Variants in GRIA1 observed in about 807,000 individuals in gnomAD.
The protein encoded by GRIA1 is glutamate receptor 1.
GRIA1 carries 31 observed loss-of-function variants against 99.2 expected under a neutral mutation model. The observed-to-expected ratio is 0.31, with a 90% confidence interval of 0.23 to 0.42. The LOEUF is 0.42. GRIA1 is among the 10% of genes least tolerant of loss of function. The pLI, the probability that GRIA1 is intolerant of heterozygous loss-of-function variation, is 1.00. For synonymous variants in GRIA1, 438 were observed against 432.4 expected (o/e 1.01, Z -0.16); for missense variants, 782 against 1,157.5 (o/e 0.68, Z 4.71).
At chr5:153,640,773 C>A (rs1182280077) in intron 2 of GRIA1, among the ~76,000 whole-genome samples, 1 of 152,086 alleles carries the variant, frequency 6.6e-6, no homozygotes, top group African/African-American at 2.4e-5. Context: ...AATTGTGGTA[C>A]CCCAATTTTC....
chr5:153,707,667 C>T (rs1382673974), intron 11 of GRIA1, among the ~76,000 whole-genome samples: 1 of 152,138 alleles, frequency 6.6e-6, no homozygotes, highest in Admixed American at 6.5e-5. Flanking sequence ...CTACGTTTTG[C>T]ATTTCATTGT....
At chr5:153,613,130 A>G (rs2149411943) in intron 2 of GRIA1, among the ~76,000 whole-genome samples, 1 of 151,394 alleles carries the variant, frequency 6.6e-6, no homozygotes, top group East Asian at 1.9e-4. Context: ...CCCAATAAAA[A>G]TTTCTGTTCC....
chr5:153,770,095 G>A (rs1763774832), intron 12 of GRIA1, 73 bp from the exon 13 acceptor site: 10 of 1,472,392 alleles, frequency 6.8e-6, no homozygotes, highest in East Asian at 2.3e-5. Context: ...GCTACACTCA[G>A]CTCTTCATTA....
chr5:153,660,082 A>T (rs139978499), intron 5 of GRIA1, among the ~76,000 whole-genome samples: 44 of 152,316 alleles, frequency 2.9e-4, no homozygotes, highest in African/African-American at 1.0e-3. Flanking sequence ...CTGAGACATT[A>T]CATGACTGAG....
At chr5:153,668,633 A>T (rs1375084046) in intron 5 of GRIA1, among the ~76,000 whole-genome samples, 1 of 152,200 alleles carries the variant, frequency 6.6e-6, no homozygotes, top group Non-Finnish European at 1.5e-5. Context: ...AAATATTTAT[A>T]ATCTGGCCCT....
chr5:153,663,159 C>T (rs908374913), intron 5 of GRIA1, among the ~76,000 whole-genome samples: 3 of 152,202 alleles, frequency 2.0e-5, no homozygotes, highest in African/African-American at 7.2e-5. Flanking sequence ...TGAGAGAATT[C>T]ACCCCAGAGA....
rs373869315 is a variant in GRIA1 at position 153,794,386 on chromosome 5, C to T, written c.2271-235C>T. Reference sequence around the variant, plus strand: ...GGGCCATTGCTTTCAAAATACCCAACTTCTGAAAACTTAGGTTACAATGAC... The same window carrying T: ...GGGCCATTGCTTTCAAAATACCCAATTTCTGAAAACTTAGGTTACAATGAC... On this transcript the variant is annotated intron_variant, in intron 13 of 15. Transcript: ENST00000285900. 1.1e-4 allele frequency among the ~76,000 whole-genome samples: 17 copies of T among 152,302 alleles called. 2 individuals are homozygous for T. In the South Asian group the frequency reaches 1.2e-3, roughly 11 times the overall value.
intron 2 of GRIA1, among the ~76,000 whole-genome samples, chr5:153,584,656 C>T (rs1274072156): frequency 6.6e-6 from 1 of 152,210 alleles, no homozygotes; most frequent in African/African-American, 2.4e-5. Context: ...ATTTTTCTCT[C>T]TCTCCTTTAT....
At chr5:153,785,939 G>A (rs1017682367) in intron 13 of GRIA1, among the ~76,000 whole-genome samples, 6 of 152,190 alleles carry the variant, frequency 3.9e-5, no homozygotes, top group African/African-American at 9.7e-5. Context: ...AGAGAATAAC[G>A]CTAATTCCTC....
intron 2 of GRIA1, among the ~76,000 whole-genome samples, chr5:153,538,822 G>A (rs573050670): frequency 6.6e-5 from 10 of 152,132 alleles, no homozygotes; most frequent in Non-Finnish European, 1.0e-4. Context: ...CTACAGGTGC[G>A]TTCATATGGT....
intron 13 of GRIA1, among the ~76,000 whole-genome samples, chr5:153,785,509 A>G (rs901640612): frequency 7.2e-5 from 11 of 152,248 alleles, no homozygotes; most frequent in Non-Finnish European, 1.5e-4. Context: ...ACCGTCTCTT[A>G]TTAATACCAT....
intron 13 of GRIA1, among the ~76,000 whole-genome samples, chr5:153,775,820 G>A (rs975318795): frequency 2.6e-5 from 4 of 151,806 alleles, no homozygotes; most frequent in African/African-American, 9.7e-5. Context: ...GAAGAATTGT[G>A]GAAGAATTGT....
intron 11 of GRIA1, among the ~76,000 whole-genome samples, chr5:153,742,859 A>G (rs1761904947): frequency 6.6e-6 from 1 of 152,206 alleles, no homozygotes; most frequent in Non-Finnish European, 1.5e-5. Flanking sequence ...AAATCTTCCT[A>G]TTTTAAGATC....
At chr5:153,766,358 G>A (rs986583581) in intron 12 of GRIA1, among the ~76,000 whole-genome samples, 64 of 152,250 alleles carry the variant, frequency 4.2e-4, no homozygotes, top group African/African-American at 1.4e-3. Flanking sequence ...TGTCCATAAA[G>A]CCTGTCCTAT....
chr5:153,564,835 C>T (rs1259492873), intron 2 of GRIA1, among the ~76,000 whole-genome samples: 1 of 152,174 alleles, frequency 6.6e-6, no homozygotes, highest in African/African-American at 2.4e-5. Flanking sequence ...GTAGCCTCCT[C>T]TCCTTGTCAG....
chr5:153,658,852 A>T (rs530719559), intron 5 of GRIA1, among the ~76,000 whole-genome samples: 41 of 152,290 alleles, frequency 2.7e-4, no homozygotes, highest in African/African-American at 9.4e-4. Flanking sequence ...CTTTTAGCAG[A>T]TCACTTCGGA....
At chr5:153,614,832 G>A (rs1403915563) in intron 2 of GRIA1, among the ~76,000 whole-genome samples, 1 of 152,194 alleles carries the variant, frequency 6.6e-6, no homozygotes, top group Non-Finnish European at 1.5e-5. Context: ...GAGGGACGCT[G>A]TGATATAGAT....
chr5:153,806,074 A>C (rs1483620321), intron 15 of GRIA1, among the ~76,000 whole-genome samples: 3 of 152,196 alleles, frequency 2.0e-5, no homozygotes, highest in Non-Finnish European at 4.4e-5. Context: ...CAGACTTTTC[A>C]GCTTTGCAGC....
intron 2 of GRIA1, among the ~76,000 whole-genome samples, chr5:153,565,480 A>T (rs568331700): frequency 6.6e-6 from 1 of 152,340 alleles, no homozygotes; most frequent in East Asian, 1.9e-4. Flanking sequence ...TCACCCATTT[A>T]AAGTGTTCAG....
Sources: gnomAD v4.1 joint callset for allele counts (sites outside exome capture counted in the v4.1 genomes callset) on GRCh38, gnomAD v4.1.1 for gene constraint, MANE v1.5 for transcripts, NCBI Gene and HGNC (gene_info 2026-07-23, HGNC 2026-07-21) for gene names.